ASPRV1: variants seen among roughly 807,000 people sequenced by gnomAD.
The protein encoded by ASPRV1 is retroviral-like aspartic protease 1.
In ASPRV1, 7 loss-of-function variants were observed where a neutral mutation model predicts 11.0. That is an observed-to-expected ratio of 0.64 (90% CI 0.36 to 1.20). The LOEUF (loss-of-function observed/expected upper bound fraction) is 1.20, where lower values mean the gene tolerates loss of function less well. Ranked by LOEUF, ASPRV1 falls within the 50% of genes most tolerant of loss-of-function variation. The pLI, the probability that ASPRV1 is intolerant of heterozygous loss-of-function variation, is 0.02. For synonymous variants in ASPRV1, 136 were observed against 138.4 expected, an observed-to-expected ratio of 0.98 and a Z score of 0.12; for missense variants, 299 against 320.0, an observed-to-expected ratio of 0.93 and a Z score of 0.50.
the ASPRV1 span, among the ~76,000 whole-genome samples, chr2:69,997,364 A>C: frequency 6.6e-6 from 1 of 151,888 alleles, no homozygotes; most frequent in Non-Finnish European, 1.5e-5. Context: ...CTAAATACTG[A>C]CTTATCCTCA....
the ASPRV1 span, among the ~76,000 whole-genome samples, chr2:70,082,124 A>G: frequency 6.6e-6 from 1 of 151,656 alleles, no homozygotes; most frequent in African/African-American, 2.4e-5. Flanking sequence ...ACAGGCACGC[A>G]CCATCACGCC....
upstream of ASPRV1, chr2:69,962,980 C>A (rs1323639904): frequency 9.7e-6 from 3 of 309,180 alleles, no homozygotes; most frequent in African/African-American, 6.5e-5. Context: ...CGATGGCACA[C>A]CTGTGGCTCT....
the ASPRV1 span, among the ~76,000 whole-genome samples, chr2:69,946,195 A>T: frequency 6.6e-6 from 1 of 152,008 alleles, no homozygotes; most frequent in Non-Finnish European, 1.5e-5. Flanking sequence ...AGGCGGAAAA[A>T]ACCATTGCTG....
the ASPRV1 span, among the ~76,000 whole-genome samples, chr2:70,008,721 C>G: frequency 6.6e-6 from 1 of 151,806 alleles, no homozygotes; most frequent in African/African-American, 2.4e-5. Context: ...CAATGTGGCC[C>G]AGGGAAGCCA....
the ASPRV1 span, chr2:70,049,286 G>A: frequency 6.8e-6 from 1 of 146,968 alleles, no homozygotes; most frequent in African/African-American, 2.5e-5. Context: ...AACCTTATAA[G>A]AAGTTTATAC....
At chr2:69,953,460 C>A in the ASPRV1 span, among the ~76,000 whole-genome samples, 1 of 152,230 alleles carries the variant, frequency 6.6e-6, no homozygotes, top group Non-Finnish European at 1.5e-5. Context: ...GAAAGCAGCA[C>A]AACTTTGTGG....
At chr2:69,958,251 C>T (rs1054178173), downstream of ASPRV1, among the ~76,000 whole-genome samples, 4 of 152,262 alleles carry the variant, frequency 2.6e-5, no homozygotes, top group East Asian at 5.8e-4. Flanking sequence ...CAGTAAGAAG[C>T]ACCACATGGT....
chr2:69,950,555 G>A, the ASPRV1 span, among the ~76,000 whole-genome samples: 1 of 151,988 alleles, frequency 6.6e-6, no homozygotes, highest in African/African-American at 2.4e-5. Context: ...TTAAAAAATA[G>A]GGGAGGCTGG....
chr2:70,000,294 G>A, the ASPRV1 span, among the ~76,000 whole-genome samples: 1 of 136,242 alleles, frequency 7.3e-6, no homozygotes, highest in African/African-American at 2.8e-5. Context: ...GCCAGCCTCG[G>A]CAACATAGTG....
the ASPRV1 span, among the ~76,000 whole-genome samples, chr2:70,011,373 T>C: frequency 6.6e-6 from 1 of 151,988 alleles, no homozygotes; most frequent in African/African-American, 2.4e-5. Flanking sequence ...AGAAGACCCT[T>C]GCAATCGTTT....
the ASPRV1 span, among the ~76,000 whole-genome samples, chr2:69,981,952 T>C: frequency 2.0e-5 from 3 of 152,166 alleles, no homozygotes; most frequent in African/African-American, 7.2e-5. Context: ...GGTGGCCATC[T>C]GCATGATGGA....
chr2:70,052,125 AG>A, the ASPRV1 span, among the ~76,000 whole-genome samples: 1 of 152,244 alleles, frequency 6.6e-6, no homozygotes, highest in African/African-American at 2.4e-5. Flanking sequence ...CAAATAAATA[AG>A]AAAAGTATAT....
chr2:69,946,723 A>C, the ASPRV1 span, among the ~76,000 whole-genome samples: 1 of 152,210 alleles, frequency 6.6e-6, no homozygotes, highest in African/African-American at 2.4e-5. Context: ...TGTGCTGTTT[A>C]GACAACAAAC....
At chr2:70,055,776 A>AT in the ASPRV1 span, 1 of 152,132 alleles carries the variant, frequency 6.6e-6, no homozygotes, top group Non-Finnish European at 1.5e-5. Context: ...AGAAAAAAAA[A>AT]TTTATAAAGG....
At chr2:70,055,301 C>T in the ASPRV1 span, among the ~76,000 whole-genome samples, 5 of 152,058 alleles carry the variant, frequency 3.3e-5, no homozygotes, top group African/African-American at 1.2e-4. Flanking sequence ...GAGCAAGACT[C>T]CGTCTCAAAA....
At chr2:70,034,027 G>A in the ASPRV1 span, among the ~76,000 whole-genome samples, 6 of 151,812 alleles carry the variant, frequency 4.0e-5, no homozygotes, top group East Asian at 3.9e-4. Flanking sequence ...GGTGGTGGGC[G>A]CCTGTAGTCC....
At chr2:70,085,649 G>A in the ASPRV1 span, 2 of 152,184 alleles carry the variant, frequency 1.3e-5, no homozygotes, top group African/African-American at 2.4e-5. Context: ...GAGAGAGAGA[G>A]AGAGATAAGA....
rs199920386 is a variant in ASPRV1, at chr2:69,960,771, T to C, written c.666A>G (p.Lys222=). 21 of 1,614,148 alleles carry C rather than the reference T, an allele frequency of 1.3e-5. No homozygotes were observed. The East Asian group carries it at 4.7e-4, about 36-fold the overall frequency. Reference sequence around the variant, plus strand: ...CAGGCAGAAGGCGAAACTTCTTCCCTTTCAGGGTGCATGTGCGGTGCTCAA... The same window carrying C: ...CAGGCAGAAGGCGAAACTTCTTCCCCTTCAGGGTGCATGTGCGGTGCTCAA... ...LDFEHRTCTL[K]GKKFRLLPVG... is the part of the protein sequence containing the mutation. Residue 222 remains lysine (K), a synonymous_variant, in exon 1 of 1, where the codon AAA becomes AAG. Coordinates refer to ENST00000320256, the MANE Select transcript of ASPRV1 (RefSeq NM_152792.4).
the ASPRV1 span, among the ~76,000 whole-genome samples, chr2:70,021,993 C>T: frequency 6.6e-6 from 1 of 151,448 alleles, no homozygotes; most frequent in Non-Finnish European, 1.5e-5. Context: ...TGTGAGCCAC[C>T]GCACCCAGCC....
Sources: gnomAD v4.1 joint callset for allele counts (sites outside exome capture counted in the v4.1 genomes callset) on GRCh38, gnomAD v4.1.1 for gene constraint, MANE v1.5 for transcripts, NCBI Gene and HGNC (gene_info 2026-07-23, HGNC 2026-07-21) for gene names.